The following REPS2 variants were observed in gnomAD, a reference collection of about 807,000 sequenced individuals.
REPS2 encodes the protein ralBP1-associated Eps domain-containing protein 2.
In REPS2, 23 loss-of-function variants were observed where a neutral mutation model predicts 53.6. That is an observed-to-expected ratio of 0.43 (90% CI 0.31 to 0.61). The LOEUF (loss-of-function observed/expected upper bound fraction) is 0.61, where lower values mean the gene tolerates loss of function less well. Ranked by LOEUF, REPS2 falls within the 20% of genes least tolerant of loss-of-function variation. The probability of loss-of-function intolerance (pLI) is 0.11; values close to 1 mark genes in which losing one functional copy is unlikely to be tolerated. For synonymous variants in REPS2, 238 were observed against 218.6 expected, an observed-to-expected ratio of 1.09 and a Z score of -0.78; for missense variants, 446 against 534.9, an observed-to-expected ratio of 0.83 and a Z score of 1.64.
At chrX:17,182,562 C>T in the REPS2 span, among the ~76,000 whole-genome samples, 2 of 111,749 alleles carry the variant, frequency 1.8e-5, no homozygotes, top group Non-Finnish European at 3.8e-5. Context: ...AGCATGACAG[C>T]CAGTCATTAG....
intron 4 of REPS2, among the ~76,000 whole-genome samples, chrX:17,028,058 G>C (rs2061668759): frequency 9.0e-6 from 1 of 111,326 alleles, no homozygotes; most frequent in South Asian, 3.8e-4. Context: ...CCATGCAGCT[G>C]AGTCTTCATC....
At chrX:17,004,872 T>G (rs1056584388) in intron 1 of REPS2, among the ~76,000 whole-genome samples, 9 of 111,093 alleles carry the variant, frequency 8.1e-5, no homozygotes, top group Non-Finnish European at 1.5e-4. Context: ...CTTTTTTTTT[T>G]TCTATTTTTA....
At chrX:17,168,721 A>G in the REPS2 span, among the ~76,000 whole-genome samples, 1 of 112,339 alleles carries the variant, frequency 8.9e-6, no homozygotes, top group Non-Finnish European at 1.9e-5. Context: ...TTGTGGATTC[A>G]GAGGCATTTG....
chrX:17,188,751 T>G, the REPS2 span, among the ~76,000 whole-genome samples: 60 of 112,370 alleles, frequency 5.3e-4, 1 homozygote, highest in South Asian at 0.021. Context: ...TGATTTTTTT[T>G]TATTATTATC....
At chrX:16,985,847 A>G (rs2061084576) in intron 1 of REPS2, among the ~76,000 whole-genome samples, 1 of 111,818 alleles carries the variant, frequency 8.9e-6, no homozygotes, top group Non-Finnish European at 1.9e-5. Context: ...AAAACAAGGT[A>G]TAGTCATACA....
At chrX:16,966,364 A>T (rs1391051845) in intron 1 of REPS2, among the ~76,000 whole-genome samples, 8 of 112,189 alleles carry the variant, frequency 7.1e-5, no homozygotes, top group Non-Finnish European at 1.5e-4. Flanking sequence ...AGTATCTCAT[A>T]TCTGAAATGC....
At chrX:17,082,388 C>G (rs767314036) in intron 13 of REPS2, among the ~76,000 whole-genome samples, 1 of 112,363 alleles carries the variant, frequency 8.9e-6, no homozygotes, top group African/African-American at 3.2e-5. Context: ...CCCAGAAATA[C>G]GTTTCTTACT....
At chrX:17,009,278 C>T (rs767053344) in intron 2 of REPS2, among the ~76,000 whole-genome samples, 9 of 110,372 alleles carry the variant, frequency 8.2e-5, no homozygotes, top group African/African-American at 2.6e-4. Context: ...CCAACCTCAG[C>T]GCCCCGAGTA....
intron 13 of REPS2, among the ~76,000 whole-genome samples, chrX:17,092,176 A>G (rs2062625293): frequency 8.9e-6 from 1 of 112,035 alleles, no homozygotes; most frequent in South Asian, 3.7e-4. Context: ...TTTCCACTCA[A>G]TAAGTTGGAA....
Position 17,135,426 on chromosome X carries a change from A to T in REPS2, c.1808+20A>T, listed in dbSNP as rs1394740731. 2 of 1,192,982 alleles carry T rather than the reference A, an allele frequency of 1.7e-6. No individual in the cohort carries two copies. The highest frequency in any genetic ancestry group is 6.0e-5 in the East Asian group (2 of 33,256). On this transcript the variant is annotated intron_variant, in intron 16 of 17. Transcript: ENST00000357277. The stretch of plus-strand genomic sequence containing the variant: ...CCAAAAGTAAGTAGACCACATAAAC[A>T]AGAGTGAGGTAGGAATCTCGCTCTG...
chrX:16,985,911 G>A (rs2061085431), intron 1 of REPS2, among the ~76,000 whole-genome samples: 1 of 111,976 alleles, frequency 8.9e-6, no homozygotes, highest in South Asian at 3.7e-4. Flanking sequence ...AGATCTGAAA[G>A]TCAGGAAGCT....
At chrX:16,977,804 G>A (rs1319448957) in intron 1 of REPS2, among the ~76,000 whole-genome samples, 1 of 110,476 alleles carries the variant, frequency 9.1e-6, no homozygotes, top group Non-Finnish European at 1.9e-5. Context: ...CCAGAATTTA[G>A]TGGCTTAGGA....
At chrX:17,086,033 G>A (rs1409643955) in intron 13 of REPS2, among the ~76,000 whole-genome samples, 1 of 111,505 alleles carries the variant, frequency 9.0e-6, no homozygotes, top group Non-Finnish European at 1.9e-5. Context: ...ACTTGTTTTG[G>A]CATATTTTAA....
intron 9 of REPS2, among the ~76,000 whole-genome samples, chrX:17,063,979 C>G (rs2062193474): frequency 9.0e-6 from 1 of 111,563 alleles, no homozygotes; most frequent in Non-Finnish European, 1.9e-5. Context: ...CTTTCTCTCT[C>G]TCTAATGTCC....
chrX:17,024,122 CA>C (rs773392773), intron 3 of REPS2, among the ~76,000 whole-genome samples: 6,194 of 65,376 alleles, frequency 0.095, 467 homozygotes, highest in African/African-American at 0.27. Context: ...GACCTCATTT[CA>C]AAAAAAAAAA....
intron 1 of REPS2, chrX:16,978,661 A>G (rs2060985557): frequency 2.0e-6 from 1 of 506,291 alleles, no homozygotes; most frequent in South Asian, 1.0e-4. Flanking sequence ...GGGGCACAGA[A>G]TCCCAGCCTC....
intron 1 of REPS2, among the ~76,000 whole-genome samples, chrX:16,990,715 C>T (rs746213123): frequency 8.2e-5 from 9 of 109,361 alleles, no homozygotes; most frequent in Non-Finnish European, 1.7e-4. Context: ...CAACCATAAT[C>T]ACAACATTAT....
At chrX:17,041,367 C>T (rs768452030) in intron 5 of REPS2, among the ~76,000 whole-genome samples, 10 of 111,814 alleles carry the variant, frequency 8.9e-5, no homozygotes, top group Non-Finnish European at 1.9e-4. Context: ...TGTAATCCCA[C>T]CTATCAGCAC....
At chrX:17,043,213 C>A (rs1295239531) in intron 5 of REPS2, among the ~76,000 whole-genome samples, 5 of 111,310 alleles carry the variant, frequency 4.5e-5, no homozygotes, top group Non-Finnish European at 9.4e-5. Flanking sequence ...TAGTGCAAAC[C>A]AGTAGAAGGG....
Sources: allele counts gnomAD v4.1 joint callset (sites outside exome capture counted in the v4.1 genomes callset), GRCh38; gene constraint gnomAD v4.1.1; transcripts MANE v1.5; gene names NCBI Gene and HGNC (gene_info 2026-07-23, HGNC 2026-07-21).